The following SLC41A2 variants were observed in gnomAD, a reference collection of about 807,000 sequenced individuals.
SLC41A2 encodes the protein solute carrier family 41 member 2.
In SLC41A2, 32 loss-of-function variants were observed where a neutral mutation model predicts 58.3. The observed-to-expected ratio is 0.55, with a 90% CI of 0.41 to 0.74. The LOEUF (loss-of-function observed/expected upper bound fraction) is 0.74. SLC41A2 is among the 30% of genes least tolerant of loss of function. The probability of loss-of-function intolerance (pLI) is 0.00; values close to 1 mark genes in which losing one functional copy is unlikely to be tolerated. For synonymous variants in SLC41A2, 190 were observed against 235.0 expected (o/e 0.81, Z 1.75); for missense variants, 514 against 680.6 (o/e 0.76, Z 2.72).
chr12:104,841,322 G>GT (rs5800639), intron 10 of SLC41A2, among the ~76,000 whole-genome samples: 78,474 of 148,286 alleles, frequency 0.53, 20,843 homozygotes, highest in Middle Eastern at 0.62. Flanking sequence ...AAAAATCTAG[G>GT]TTTTTTTTTT....
chr12:104,907,206 C>CTTT (rs10714684), intron 3 of SLC41A2, among the ~76,000 whole-genome samples: 1 of 126,796 alleles, frequency 7.9e-6, no homozygotes, highest in Non-Finnish European at 1.7e-5. Context: ...ATGTCCCCAT[C>CTTT]TTTTTTTTTT....
intron 8 of SLC41A2, among the ~76,000 whole-genome samples, chr12:104,847,435 C>T (rs1445325053): frequency 6.6e-6 from 1 of 151,610 alleles, no homozygotes; most frequent in Non-Finnish European, 1.5e-5. Flanking sequence ...AACCCCGTCT[C>T]TACTAAAAAA....
At chr12:104,956,145 G>A (rs58005679) in intron 1 of SLC41A2, among the ~76,000 whole-genome samples, 6,246 of 152,206 alleles carry the variant, frequency 0.041, 177 homozygotes, top group East Asian at 0.11. Flanking sequence ...TCAGGAATAT[G>A]CCTTCTGTAG....
chr12:104,952,114 A>G (rs1420934735), intron 1 of SLC41A2, among the ~76,000 whole-genome samples: 1 of 152,168 alleles, frequency 6.6e-6, no homozygotes, highest in Non-Finnish European at 1.5e-5. Flanking sequence ...ATTTCAACTG[A>G]GAAAAAAAAT....
chr12:104,937,238 A>C (rs1236831321), intron 1 of SLC41A2, among the ~76,000 whole-genome samples: 1 of 152,242 alleles, frequency 6.6e-6, no homozygotes, highest in Non-Finnish European at 1.5e-5. Context: ...GCAGTAGTGC[A>C]CAGTAATGTC....
chr12:104,876,253 T>C (rs1410854445), intron 6 of SLC41A2, among the ~76,000 whole-genome samples: 1 of 152,154 alleles, frequency 6.6e-6, no homozygotes, highest in African/African-American at 2.4e-5. Context: ...CTCTATTTGA[T>C]TTATTTCTGC....
chr12:104,917,681 T>C (rs923810174), intron 2 of SLC41A2, among the ~76,000 whole-genome samples: 4 of 151,676 alleles, frequency 2.6e-5, no homozygotes, highest in Non-Finnish European at 4.4e-5. Context: ...TGTAGGGACA[T>C]GGATGAAACT....
At chr12:104,929,405 C>T (rs909881927) in intron 1 of SLC41A2, among the ~76,000 whole-genome samples, 4 of 152,214 alleles carry the variant, frequency 2.6e-5, no homozygotes, top group South Asian at 4.1e-4. Context: ...CATTTGCAAA[C>T]CAGCCAGAAG....
chr12:104,956,559 G>A (rs1350650431), intron 1 of SLC41A2, among the ~76,000 whole-genome samples: 1 of 152,046 alleles, frequency 6.6e-6, no homozygotes, highest in Non-Finnish European at 1.5e-5. Context: ...TGTGCCTGTA[G>A]TCCCAGCTAC....
chr12:104,885,924 G>A (rs1210848683), intron 6 of SLC41A2, among the ~76,000 whole-genome samples: 2 of 152,050 alleles, frequency 1.3e-5, no homozygotes, highest in East Asian at 3.8e-4. Context: ...AACACTGCAG[G>A]TTGACTCCTA....
chr12:104,911,856 TA>T (rs1300859332), intron 2 of SLC41A2, among the ~76,000 whole-genome samples: 1 of 152,156 alleles, frequency 6.6e-6, no homozygotes, highest in African/African-American at 2.4e-5. Context: ...TTATTAGTCT[TA>T]AAAACTAACC....
chr12:104,906,331 G>T (rs1221619371), intron 3 of SLC41A2, among the ~76,000 whole-genome samples: 3 of 152,174 alleles, frequency 2.0e-5, no homozygotes, highest in African/African-American at 7.2e-5. Context: ...ACCATTAGGT[G>T]CCAATGAACC....
intron 10 of SLC41A2, among the ~76,000 whole-genome samples, chr12:104,840,853 G>T (rs1379580646): frequency 1.3e-5 from 2 of 151,906 alleles, no homozygotes; most frequent in Non-Finnish European, 2.9e-5. Context: ...AACTAACTCA[G>T]CCATTCCAAT....
intron 2 of SLC41A2, 141 bp from the exon 3 acceptor site, chr12:104,909,903 G>A: frequency 3.5e-6 from 2 of 576,018 alleles, no homozygotes; most frequent in Non-Finnish European, 6.0e-6. Flanking sequence ...TAATCAGCGA[G>A]CACTTAGCTT....
At chr12:104,942,811 C>T (rs953310113) in intron 1 of SLC41A2, among the ~76,000 whole-genome samples, 63 of 152,114 alleles carry the variant, frequency 4.1e-4, no homozygotes, top group African/African-American at 1.4e-3. Context: ...TTCTTACGTA[C>T]TCTATCTTGT....
chr12:104,927,329 A>C (rs1228687325), intron 2 of SLC41A2, among the ~76,000 whole-genome samples: 1 of 152,200 alleles, frequency 6.6e-6, no homozygotes, highest in African/African-American at 2.4e-5. Context: ...GAGTAAGTAA[A>C]TTTTGGTATA....
At position 104,927,970 on chromosome 12, in the gene SLC41A2, C is replaced by CA. The variant is rs1661438225; in HGVS notation, c.555+2dup. 2 of 1,565,298 alleles carry CA rather than the reference C, an allele frequency of 1.3e-6. No homozygotes were observed. The highest frequency in any genetic ancestry group is 1.9e-5 in the Admixed American group (1 of 51,738). On this transcript the variant is annotated splice_region_variant and intron_variant, in intron 2 of 10. Transcript: ENST00000258538. ...GTAAAGTTAAATAAAGATGAAAACC[C>CA]ACCTGTACTATATCCAGTACCATGC...
intron 2 of SLC41A2, among the ~76,000 whole-genome samples, chr12:104,918,639 A>C (rs2046441436): frequency 1.3e-5 from 2 of 151,278 alleles, no homozygotes; most frequent in South Asian, 4.1e-4. Context: ...AAAAAAAAAA[A>C]AAAAAAAACT....
chr12:104,940,672 C>G (rs747938394), intron 1 of SLC41A2, among the ~76,000 whole-genome samples: 45 of 151,268 alleles, frequency 3.0e-4, no homozygotes, highest in Non-Finnish European at 6.5e-4. Context: ...AATCCCAGCA[C>G]TTTGGAGGGC....
Sources: gnomAD v4.1 joint callset for allele counts (sites outside exome capture counted in the v4.1 genomes callset) on GRCh38, gnomAD v4.1.1 for gene constraint, MANE v1.5 for transcripts, NCBI Gene and HGNC (gene_info 2026-07-23, HGNC 2026-07-21) for gene names.